SYT1: variants seen among roughly 807,000 people sequenced by gnomAD.
SYT1 encodes synaptotagmin-1.
A neutral mutation model predicts 44.8 loss-of-function variants in SYT1; 8 were observed. That is an observed-to-expected ratio of 0.18 (90% CI 0.10 to 0.32). The LOEUF (loss-of-function observed/expected upper bound fraction) is 0.32, where lower values mean the gene tolerates loss of function less well. Ranked by LOEUF, SYT1 falls within the 10% of genes least tolerant of loss-of-function variation. The pLI is 1.00. For missense variants in SYT1, 286 were observed against 509.3 expected, an observed-to-expected ratio of 0.56 and a Z score of 4.22; for synonymous variants, 154 against 188.8, an observed-to-expected ratio of 0.82 and a Z score of 1.51.
At chr12:78,996,135 A>G (rs1249582936) in intron 2 of SYT1, among the ~76,000 whole-genome samples, 1 of 152,204 alleles carries the variant, frequency 6.6e-6, no homozygotes, top group African/African-American at 2.4e-5. Flanking sequence ...TACTACCTTC[A>G]TACAATTTAC....
At chr12:79,338,926 T>G (rs60767465) in intron 8 of SYT1, among the ~76,000 whole-genome samples, 4,498 of 151,470 alleles carry the variant, frequency 0.03, 213 homozygotes, top group African/African-American at 0.1. Flanking sequence ...GTGTTTGTTT[T>G]TCTGTCCTTG....
chr12:79,130,121 G>A (rs1467064371), intron 3 of SYT1, among the ~76,000 whole-genome samples: 1 of 152,102 alleles, frequency 6.6e-6, no homozygotes, highest in Non-Finnish European at 1.5e-5. Context: ...TACAGTTATA[G>A]CCACCAAAGA....
At chr12:79,442,582 C>A (rs796427687) in intron 9 of SYT1, among the ~76,000 whole-genome samples, 95 of 152,264 alleles carry the variant, frequency 6.2e-4, no homozygotes, top group African/African-American at 2.1e-3. Context: ...TCACAAGACC[C>A]AGGCTGAGGC....
intron 3 of SYT1, among the ~76,000 whole-genome samples, chr12:79,207,017 T>A (rs565657242): frequency 2.0e-4 from 31 of 152,346 alleles, no homozygotes; most frequent in African/African-American, 5.3e-4. Flanking sequence ...TTTTTCTCTA[T>A]GCCTTAGTTT....
rs145911624 is a variant in SYT1, at chr12:79,037,767, A to G, written c.-83-9530A>G. Among the ~76,000 whole-genome samples, 6 of 151,992 alleles carry G rather than the reference A, an allele frequency of 3.9e-5. No individual in the cohort carries two copies. In the East Asian group the frequency reaches 1.2e-3, roughly 29 times the overall value. Reference sequence around the variant, plus strand: ...ACAGGTACTTCTAGTGGTTACCTGTAACCATAGAACATTTCTTTGTTTACT... The same window carrying G: ...ACAGGTACTTCTAGTGGTTACCTGTGACCATAGAACATTTCTTTGTTTACT... On this transcript the variant is annotated intron_variant, in intron 2 of 10. Coordinates refer to ENST00000261205, the MANE Select transcript of SYT1 (RefSeq NM_005639.3).
chr12:79,231,413 T>C (rs1481729232), intron 4 of SYT1, among the ~76,000 whole-genome samples: 3 of 152,130 alleles, frequency 2.0e-5, no homozygotes, highest in African/African-American at 7.2e-5. Context: ...ACTGCTACCC[T>C]GGAGAAATTT....
intron 9 of SYT1, among the ~76,000 whole-genome samples, chr12:79,401,025 T>C (rs935390183): frequency 5.3e-5 from 8 of 152,192 alleles, no homozygotes; most frequent in African/African-American, 1.9e-4. Flanking sequence ...AAATAAACCT[T>C]TTCAGTGCCT....
intron 8 of SYT1, among the ~76,000 whole-genome samples, chr12:79,350,517 G>T (rs1013623132): frequency 2.0e-5 from 3 of 152,122 alleles, no homozygotes; most frequent in Non-Finnish European, 4.4e-5. Flanking sequence ...CTCCCAAAGA[G>T]CTGGGATTAC....
intron 9 of SYT1, among the ~76,000 whole-genome samples, chr12:79,436,219 G>A (rs1870082504): frequency 1.3e-5 from 2 of 152,060 alleles, no homozygotes; most frequent in African/African-American, 2.4e-5. Flanking sequence ...AGGTTTTTCG[G>A]TCACTTGAAG....
chr12:78,869,335 A>G (rs1565694089), intron 1 of SYT1, among the ~76,000 whole-genome samples: 1 of 152,014 alleles, frequency 6.6e-6, no homozygotes. Context: ...CACTCCATTC[A>G]TATGTACTAG....
chr12:79,376,734 G>A (rs766414580), intron 9 of SYT1, among the ~76,000 whole-genome samples: 2 of 152,162 alleles, frequency 1.3e-5, no homozygotes, highest in Non-Finnish European at 2.9e-5. Flanking sequence ...TGGAAATGAA[G>A]CAAAATCTTT....
chr12:79,381,570 A>G (rs931001143), intron 9 of SYT1, among the ~76,000 whole-genome samples: 8 of 152,210 alleles, frequency 5.3e-5, no homozygotes, highest in South Asian at 4.1e-4. Context: ...CCCTGAATGT[A>G]CTACTTTTAC....
At chr12:78,870,442 G>T (rs184206770) in intron 1 of SYT1, among the ~76,000 whole-genome samples, 1 of 152,044 alleles carries the variant, frequency 6.6e-6, no homozygotes, top group Admixed American at 6.5e-5. Flanking sequence ...ATAAGTAAAA[G>T]TAATTGTGTC....
At chr12:79,254,144 T>C (rs1485961274) in intron 4 of SYT1, among the ~76,000 whole-genome samples, 2 of 152,204 alleles carry the variant, frequency 1.3e-5, no homozygotes, top group Non-Finnish European at 2.9e-5. Flanking sequence ...AAGACTTTCA[T>C]AGGACTTTCA....
chr12:79,178,727 T>A (rs1295164644), intron 3 of SYT1, among the ~76,000 whole-genome samples: 1 of 151,578 alleles, frequency 6.6e-6, no homozygotes, highest in Non-Finnish European at 1.5e-5. Context: ...ATTTCATATG[T>A]TTATATCACA....
intron 4 of SYT1, among the ~76,000 whole-genome samples, chr12:79,282,739 A>G (rs1440366327): frequency 6.6e-6 from 1 of 152,200 alleles, no homozygotes; most frequent in Non-Finnish European, 1.5e-5. Flanking sequence ...CTAACGACCT[A>G]AAGATAAATT....
intron 3 of SYT1, among the ~76,000 whole-genome samples, chr12:79,179,154 A>C (rs1333022697): frequency 2.3e-5 from 2 of 85,744 alleles, no homozygotes; most frequent in African/African-American, 3.8e-5. Context: ...ATAGATATAT[A>C]GATATATAGA....
intron 1 of SYT1, among the ~76,000 whole-genome samples, chr12:78,925,051 T>C (rs1036573037): frequency 2.0e-5 from 3 of 151,918 alleles, no homozygotes; most frequent in Admixed American, 6.6e-5. Flanking sequence ...TATTTATACA[T>C]GTTTATGAGT....
At chr12:79,171,264 T>C (rs1258354929) in intron 3 of SYT1, among the ~76,000 whole-genome samples, 1 of 152,116 alleles carries the variant, frequency 6.6e-6, no homozygotes. Context: ...TAGCATTGAA[T>C]CTACGAATTA....
Sources: gnomAD v4.1 joint callset for allele counts (sites outside exome capture counted in the v4.1 genomes callset) on GRCh38, gnomAD v4.1.1 for gene constraint, MANE v1.5 for transcripts, NCBI Gene and HGNC (gene_info 2026-07-23, HGNC 2026-07-21) for gene names.